ARFIP1: variants seen among roughly 807,000 people sequenced by gnomAD.
The protein encoded by ARFIP1 is ARF interacting protein 1, also known as arfaptin-1.
A neutral mutation model predicts 42.5 loss-of-function variants in ARFIP1; 24 were observed. The ratio of observed to expected loss-of-function variants is 0.57; its 90% confidence interval spans 0.41 to 0.80. The LOEUF (loss-of-function observed/expected upper bound fraction) is 0.80. ARFIP1 is among the 30% of genes least tolerant of loss of function. ARFIP1 has a pLI of 0.00. For missense variants in ARFIP1, 354 were observed against 434.0 expected (o/e 0.82, Z 1.64); for synonymous variants, 141 against 153.7 (o/e 0.92, Z 0.61).
chr4:152,867,049 C>T (rs1457031048), intron 3 of ARFIP1, among the ~76,000 whole-genome samples: 1 of 139,256 alleles, frequency 7.2e-6, no homozygotes, highest in Non-Finnish European at 1.5e-5. Context: ...ACATCCCAGA[C>T]GATGGGCAGC....
chr4:152,783,320 T>C (rs1198026650), intron 1 of ARFIP1, among the ~76,000 whole-genome samples: 9 of 152,062 alleles, frequency 5.9e-5, no homozygotes, highest in Non-Finnish European at 1.2e-4. Flanking sequence ...AAAAACAACA[T>C]CAACAACAGA....
At chr4:152,824,311 C>CAA (rs111552594) in intron 1 of ARFIP1, among the ~76,000 whole-genome samples, 20 of 118,830 alleles carry the variant, frequency 1.7e-4, no homozygotes, top group Non-Finnish European at 2.7e-4. Context: ...AGACTCTTAT[C>CAA]AAAAAAAAAA....
chr4:152,815,764 A>G (rs1729825909), intron 1 of ARFIP1, among the ~76,000 whole-genome samples: 1 of 61,776 alleles, frequency 1.6e-5, no homozygotes, highest in Non-Finnish European at 2.9e-5. Context: ...TTTTTTTTTG[A>G]GACGGAGTCT....
At chr4:152,813,161 G>A (rs1000544063) in intron 1 of ARFIP1, among the ~76,000 whole-genome samples, 2 of 152,138 alleles carry the variant, frequency 1.3e-5, no homozygotes, top group Non-Finnish European at 2.9e-5. Context: ...TACTTATATA[G>A]CATTTGCATT....
At chr4:152,830,250 G>T (rs906536725) in intron 2 of ARFIP1, among the ~76,000 whole-genome samples, 1 of 152,042 alleles carries the variant, frequency 6.6e-6, no homozygotes, top group Non-Finnish European at 1.5e-5. Flanking sequence ...GATAATCTGG[G>T]TTCAAATTTC....
intron 7 of ARFIP1, among the ~76,000 whole-genome samples, chr4:152,887,423 C>T (rs901868166): frequency 2.0e-5 from 3 of 151,940 alleles, no homozygotes; most frequent in Non-Finnish European, 4.4e-5. Context: ...AGTAGCCACA[C>T]ATGTCTGGTG....
chr4:152,847,031 A>G (rs113180680), intron 2 of ARFIP1, among the ~76,000 whole-genome samples: 185 of 151,314 alleles, frequency 1.2e-3, no homozygotes, highest in African/African-American at 4.3e-3. Flanking sequence ...TTTACACTCA[A>G]TATTCACATC....
At position 152,910,521 on chromosome 4, in the gene ARFIP1, A is replaced by G. The variant is rs1047896380; in HGVS notation, c.*302A>G. The G allele has an allele frequency of 1.1e-4, 21 of 198,822 alleles. No homozygotes were observed. The East Asian group carries it at 2.4e-3, about 23-fold the overall frequency. 12.3% of individuals were successfully genotyped at this position (198,822 alleles called of 1,614,324 possible). Reference sequence around the variant, plus strand: ...ACATCTAATAGAGATTTGCACTGACAAGATAAAAATTCAAGGTTTTTGGTC... The same window carrying G: ...ACATCTAATAGAGATTTGCACTGACGAGATAAAAATTCAAGGTTTTTGGTC... On this transcript the variant is annotated 3_prime_UTR_variant, in exon 9 of 9. Transcript: ENST00000353617.
chr4:152,795,713 A>C (rs867397674), intron 1 of ARFIP1, among the ~76,000 whole-genome samples: 7 of 151,858 alleles, frequency 4.6e-5, no homozygotes, highest in Middle Eastern at 6.8e-3. Context: ...CATATTTTAA[A>C]ATTTTTGCGA....
At chr4:152,861,417 A>G (rs1465693340) in intron 2 of ARFIP1, among the ~76,000 whole-genome samples, 3 of 152,220 alleles carry the variant, frequency 2.0e-5, no homozygotes, top group Non-Finnish European at 4.4e-5. Context: ...ATGACGTTGT[A>G]TAAGTTAGTA....
chr4:152,904,196 A>ATTTTT (rs531633052), intron 8 of ARFIP1, among the ~76,000 whole-genome samples: 2 of 88,052 alleles, frequency 2.3e-5, no homozygotes, highest in Non-Finnish European at 4.4e-5. Context: ...ATATATATAT[A>ATTTTT]TATTTTTTTT....
chr4:152,856,563 A>T (rs62319912), intron 2 of ARFIP1, among the ~76,000 whole-genome samples: 4,083 of 152,330 alleles, frequency 0.027, 99 homozygotes, highest in South Asian at 0.11. Context: ...GAGGATGTGT[A>T]TAGAGTATAG....
chr4:152,817,758 A>G (rs372455825), intron 1 of ARFIP1, among the ~76,000 whole-genome samples: 1 of 152,354 alleles, frequency 6.6e-6, no homozygotes, highest in African/African-American at 2.4e-5. Context: ...AACAACAACA[A>G]AAACCCCCTA....
rs73865258 is a variant in ARFIP1, at chr4:152,855,048, C to T, written c.94-8558C>T. Among the ~76,000 whole-genome samples the T allele has an allele frequency of 4.3e-3, 658 of 152,292 alleles. 4 individuals are homozygous for T. The highest frequency in any genetic ancestry group is 0.015 in the African/African-American group (611 of 41,556). ...GGGCAATGGCAGTGGCAGTAGCAGA[C>T]GACCCTTTGGGTCCTGAGTAGTGTG... On this transcript the variant is annotated intron_variant, in intron 2 of 8. Coordinates refer to ENST00000353617, the MANE Select transcript of ARFIP1 (RefSeq NM_001025595.3).
chr4:152,819,171 A>T (rs141590119), intron 1 of ARFIP1, among the ~76,000 whole-genome samples: 57 of 152,258 alleles, frequency 3.7e-4, no homozygotes, highest in African/African-American at 1.3e-3. Context: ...TAGCTGGTGC[A>T]GTTGCAAGTG....
chr4:152,808,052 C>T (rs572655684), intron 1 of ARFIP1, among the ~76,000 whole-genome samples: 3 of 152,174 alleles, frequency 2.0e-5, no homozygotes, highest in South Asian at 2.1e-4. Flanking sequence ...ACGATCTTGG[C>T]TCACTGCAGC....
intron 1 of ARFIP1, among the ~76,000 whole-genome samples, chr4:152,799,657 G>A (rs1434172976): frequency 6.6e-6 from 1 of 152,208 alleles, no homozygotes; most frequent in Non-Finnish European, 1.5e-5. Flanking sequence ...GTAATCCTGA[G>A]AAGCTAGAGA....
In ARFIP1 at chr4:152,853,669, C is replaced by T. The variant is rs571646020; in HGVS notation, c.94-9937C>T. On this transcript the variant is annotated intron_variant, in intron 2 of 8. Transcript: ENST00000353617. ...TTGTATCAGTTTGGTGATCTGAGAG[C>T]CTCCTGTATCTGGATGCCTAAATCT... is the stretch of plus-strand genomic sequence containing the variant. Among the ~76,000 whole-genome samples, 4 of 152,156 alleles carry T rather than the reference C, an allele frequency of 2.6e-5. No homozygotes were observed. In the South Asian group the frequency reaches 8.3e-4, roughly 32 times the overall value.
chr4:152,905,608 A>C (rs1225939607), intron 8 of ARFIP1, among the ~76,000 whole-genome samples: 2 of 115,014 alleles, frequency 1.7e-5, no homozygotes. Flanking sequence ...GCTGGAGTGC[A>C]GTGGCGCGAT....
Sources: gnomAD v4.1 joint callset for allele counts (sites outside exome capture counted in the v4.1 genomes callset) on GRCh38, gnomAD v4.1.1 for gene constraint, MANE v1.5 for transcripts, NCBI Gene and HGNC (gene_info 2026-07-23, HGNC 2026-07-21) for gene names.